SHC3: variants seen among roughly 807,000 people sequenced by gnomAD.
SHC3 encodes SHC-transforming protein 3.
In SHC3, 15 loss-of-function variants were observed where a neutral mutation model predicts 60.4. The observed-to-expected ratio is 0.25, with a 90% CI of 0.17 to 0.38. The LOEUF (loss-of-function observed/expected upper bound fraction) is 0.38. SHC3 is among the 10% of genes least tolerant of loss of function. The pLI, the probability that SHC3 is intolerant of heterozygous loss-of-function variation, is 1.00. For synonymous variants in SHC3, 294 were observed against 325.9 expected (o/e 0.90, Z 1.05); for missense variants, 677 against 786.1 (o/e 0.86, Z 1.66).
chr9:89,147,202 AC>A (rs1826481367), intron 1 of SHC3, among the ~76,000 whole-genome samples: 1 of 151,890 alleles, frequency 6.6e-6, no homozygotes, highest in South Asian at 2.1e-4. Context: ...TTCAACCCTC[AC>A]CATTCATTCA....
At position 89,063,006 on chromosome 9, in the gene SHC3, C is replaced by T. The variant is rs145848189; in HGVS notation, c.835+2523G>A. On this transcript the variant is annotated intron_variant, in intron 6 of 11. Coordinates refer to ENST00000375835, the MANE Select transcript of SHC3 (RefSeq NM_016848.6). Reference sequence around the variant, plus strand: ...CACCCTCCCTGCCCACACTGTCATCCGGTAGGCTGGGCCTCCTCACACATG... The same window carrying T: ...CACCCTCCCTGCCCACACTGTCATCTGGTAGGCTGGGCCTCCTCACACATG... Among the ~76,000 whole-genome samples, 923 of 152,312 alleles carry T rather than the reference C, an allele frequency of 6.1e-3. 5 individuals carry two copies. Among genetic ancestry groups the T allele is most frequent in the Non-Finnish European group, 9.8e-3 (670 of 68,030 alleles).
chr9:89,116,132 A>G (rs1826015944), intron 1 of SHC3, among the ~76,000 whole-genome samples: 1 of 152,184 alleles, frequency 6.6e-6, no homozygotes, highest in African/African-American at 2.4e-5. Flanking sequence ...CTATTATGAC[A>G]AATTTCACAG....
chr9:89,059,638 G>A (rs1266060414), intron 6 of SHC3, among the ~76,000 whole-genome samples: 2 of 147,834 alleles, frequency 1.4e-5, no homozygotes, highest in African/African-American at 2.5e-5. Flanking sequence ...ACGTGGTGGA[G>A]GACGTGATGG....
At chr9:89,094,682 A>T (rs1355746325) in intron 2 of SHC3, among the ~76,000 whole-genome samples, 1 of 152,130 alleles carries the variant, frequency 6.6e-6, no homozygotes, top group East Asian at 1.9e-4. Flanking sequence ...GTCACACAGT[A>T]GGGAGGTGGG....
chr9:89,020,082 T>C (rs1476414028), intron 11 of SHC3, among the ~76,000 whole-genome samples: 1 of 152,164 alleles, frequency 6.6e-6, no homozygotes, highest in Non-Finnish European at 1.5e-5. Flanking sequence ...GTGTATTGTT[T>C]TTAGGTAGAG....
intron 10 of SHC3, 52 bp from the exon 11 acceptor site, chr9:89,038,340 GATAAA>G: frequency 1.1e-6 from 1 of 880,556 alleles, no homozygotes. Flanking sequence ...AAGAGCAAAT[GATAAA>G]AAAAAAAAAA....
chr9:89,178,639 C>A lies in SHC3; in HGVS notation c.-179G>T. 2.0e-6 allele frequency: 1 copy of A among 498,104 alleles called. No individual in the cohort carries two copies. Among genetic ancestry groups the A allele is most frequent in the Non-Finnish European group, 3.3e-6 (1 of 302,320 alleles). 30.9% of individuals were successfully genotyped at this position (498,104 alleles called of 1,614,324 possible). A position where few individuals can be genotyped will look rare whatever the true frequency, so the allele number is the denominator to read the frequency against. ...GATGGTGCCCTCCCACCGTTAAAAG[C>A]CAGCACAGCGGCGGCCGCGCAGCCC... On this transcript the variant is annotated 5_prime_UTR_variant, in exon 1 of 12. Coordinates refer to ENST00000375835, the MANE Select transcript of SHC3 (RefSeq NM_016848.6). The surrounding 1 kb of genome is among the most constrained non-coding windows in gnomAD (Gnocchi z 6.9).
rs1246232219 is a variant in SHC3 at position 89,078,263 on chromosome 9, A to G, written c.546-360T>C. ...TCTTCCCGACACTGTGATGCTATCT[A>G]TCTCCATGGCTTTGGTCAGGACATC... is the stretch of plus-strand genomic sequence containing the variant. On this transcript the variant is annotated intron_variant, in intron 2 of 11. Coordinates refer to ENST00000375835, the MANE Select transcript of SHC3 (RefSeq NM_016848.6). 3.3e-5 allele frequency among the ~76,000 whole-genome samples: 5 copies of G among 151,830 alleles called. No individual in the cohort carries two copies. The East Asian group carries it at 9.7e-4, about 29-fold the overall frequency.
At chr9:89,057,206 T>G (rs1824966532) in intron 6 of SHC3, among the ~76,000 whole-genome samples, 1 of 152,164 alleles carries the variant, frequency 6.6e-6, no homozygotes, top group African/African-American at 2.4e-5. Context: ...CAAAAACGAA[T>G]GAATTCTACC....
intron 2 of SHC3, among the ~76,000 whole-genome samples, chr9:89,100,621 C>A (rs1325770709): frequency 6.6e-6 from 1 of 152,224 alleles, no homozygotes. Context: ...TTCTCCATGC[C>A]CCTTTTGTAA....
chr9:89,108,084 ATGCAG>A, intron 2 of SHC3, among the ~76,000 whole-genome samples: 1 of 152,362 alleles, frequency 6.6e-6, no homozygotes, highest in South Asian at 2.1e-4. Context: ...TACGTCACAC[ATGCAG>A]TGCAGGTTTG....
At chr9:89,086,169 A>G (rs1173088551) in intron 2 of SHC3, among the ~76,000 whole-genome samples, 2 of 152,196 alleles carry the variant, frequency 1.3e-5, no homozygotes, top group Non-Finnish European at 2.9e-5. Context: ...CAAGCCATCA[A>G]TTCTGCAGCA....
intron 11 of SHC3, among the ~76,000 whole-genome samples, chr9:89,035,852 T>TATATATATATA (rs372898972): frequency 1.1e-4 from 9 of 82,120 alleles, no homozygotes; most frequent in Non-Finnish European, 2.1e-4. Context: ...TATATATAGA[T>TATATATATATA]GTGTGTGTGT....
chr9:89,064,220 A>G (rs1167004111), intron 6 of SHC3, among the ~76,000 whole-genome samples: 1 of 152,200 alleles, frequency 6.6e-6, no homozygotes, highest in Admixed American at 6.5e-5. Flanking sequence ...ATTTTAACAT[A>G]TAAATTTGGG....
chr9:89,157,893 G>A (rs964714651), intron 1 of SHC3, among the ~76,000 whole-genome samples: 1 of 151,910 alleles, frequency 6.6e-6, no homozygotes, highest in African/African-American at 2.4e-5. Flanking sequence ...AAGTGCATAG[G>A]ATATGTATAG....
chr9:89,107,747 T>C (rs189523970), intron 2 of SHC3, among the ~76,000 whole-genome samples: 23 of 152,270 alleles, frequency 1.5e-4, no homozygotes, highest in Non-Finnish European at 3.2e-4. Context: ...GGTGGGGTGG[T>C]AGGTAATTCA....
chr9:89,053,902 G>A (rs531850302), intron 6 of SHC3, among the ~76,000 whole-genome samples: 15 of 152,246 alleles, frequency 9.9e-5, no homozygotes, highest in African/African-American at 3.1e-4. Context: ...GAGACACCTC[G>A]TTCCCCTGAC....
intron 2 of SHC3, among the ~76,000 whole-genome samples, chr9:89,083,550 CA>C (rs1825480090): frequency 6.6e-6 from 1 of 152,164 alleles, no homozygotes; most frequent in African/African-American, 2.4e-5. Context: ...GAAATAGTGT[CA>C]GTGTGTAGAC....
chr9:89,122,307 T>C (rs1826103116), intron 1 of SHC3, among the ~76,000 whole-genome samples: 1 of 152,228 alleles, frequency 6.6e-6, no homozygotes, highest in Non-Finnish European at 1.5e-5. Flanking sequence ...AAATGAAGCT[T>C]TAATTCACTA....
Sources: allele counts gnomAD v4.1 joint callset (sites outside exome capture counted in the v4.1 genomes callset), GRCh38; gene constraint gnomAD v4.1.1; non-coding constraint Gnocchi (gnomAD v3.1); transcripts MANE v1.5; gene names NCBI Gene and HGNC (gene_info 2026-07-23, HGNC 2026-07-21).